The following PHACTR3 variants were observed in gnomAD, a reference collection of about 807,000 sequenced individuals.
PHACTR3 encodes protein phosphatase 1, regulatory subunit 123.
PHACTR3 carries 16 observed loss-of-function variants against 66.8 expected under a neutral mutation model. The observed-to-expected ratio is 0.24, with a 90% CI of 0.16 to 0.36. The LOEUF is 0.36. PHACTR3 is among the 10% of genes least tolerant of loss of function. The pLI, the probability that PHACTR3 is intolerant of heterozygous loss-of-function variation, is 1.00. For synonymous variants in PHACTR3, 323 were observed against 292.1 expected, an observed-to-expected ratio of 1.11 and a Z score of -1.08; for missense variants, 647 against 719.9, an observed-to-expected ratio of 0.90 and a Z score of 1.16.
intron 1 of PHACTR3, among the ~76,000 whole-genome samples, chr20:59,610,851 TC>T (rs1444882642): frequency 6.6e-6 from 1 of 152,194 alleles, no homozygotes; most frequent in African/African-American, 2.4e-5. Flanking sequence ...ACTGGTGTGG[TC>T]TTGAGCTCTC....
At chr20:59,682,176 C>T (rs549256428) in intron 1 of PHACTR3, among the ~76,000 whole-genome samples, 54 of 152,046 alleles carry the variant, frequency 3.6e-4, no homozygotes, top group African/African-American at 1.2e-3. Context: ...CCCGTCTCTA[C>T]TAAAAATACA....
chr20:59,801,357 G>A (rs1023090717), intron 7 of PHACTR3, among the ~76,000 whole-genome samples: 2 of 152,132 alleles, frequency 1.3e-5, no homozygotes, highest in African/African-American at 2.4e-5. Flanking sequence ...TGAAAACTAC[G>A]GTTTTATACA....
At chr20:59,741,098 G>A (rs1160489929) in intron 1 of PHACTR3, among the ~76,000 whole-genome samples, 1 of 152,208 alleles carries the variant, frequency 6.6e-6, no homozygotes, top group Non-Finnish European at 1.5e-5. Context: ...CTCTGACAAA[G>A]GTGACCTCCT....
intron 7 of PHACTR3, among the ~76,000 whole-genome samples, chr20:59,781,047 A>C (rs1568815328): frequency 6.6e-6 from 1 of 152,190 alleles, no homozygotes; most frequent in Non-Finnish European, 1.5e-5. Flanking sequence ...GGCATGAAGC[A>C]AAGTTTAGCT....
intron 7 of PHACTR3, among the ~76,000 whole-genome samples, chr20:59,797,045 G>A (rs139708571): frequency 3.2e-4 from 49 of 152,058 alleles, no homozygotes; most frequent in Admixed American, 2.0e-3. Context: ...TTAATCCTTT[G>A]CTCTCTCTCT....
At chr20:59,683,440 G>T (rs1431376397) in intron 1 of PHACTR3, among the ~76,000 whole-genome samples, 1 of 151,920 alleles carries the variant, frequency 6.6e-6, no homozygotes, top group African/African-American at 2.4e-5. Context: ...TCATTTGTCT[G>T]CCACCTGTAG....
At chr20:59,842,554 CTG>C (rs1272134435) in intron 11 of PHACTR3, among the ~76,000 whole-genome samples, 6 of 152,096 alleles carry the variant, frequency 3.9e-5, no homozygotes, top group Admixed American at 3.9e-4. Flanking sequence ...GTCCCAGAGG[CTG>C]TGTTTGATGT....
intron 1 of PHACTR3, among the ~76,000 whole-genome samples, chr20:59,709,620 AG>A (rs1264951693): frequency 1.3e-5 from 2 of 152,234 alleles, no homozygotes; most frequent in South Asian, 2.1e-4. Context: ...CCTTCATCTT[AG>A]GAAGGGCAAT....
intron 7 of PHACTR3, among the ~76,000 whole-genome samples, chr20:59,783,978 G>C (rs6027100): frequency 0.14 from 20,965 of 152,246 alleles, 3,010 homozygotes; most frequent in East Asian, 0.41. Flanking sequence ...CAAGGGTGAA[G>C]GTCAATCTTG....
chr20:59,629,699 C>T (rs1486663650), intron 1 of PHACTR3, among the ~76,000 whole-genome samples: 6 of 152,224 alleles, frequency 3.9e-5, no homozygotes, highest in Non-Finnish European at 7.3e-5. Context: ...GGAATAAACA[C>T]GGTTGCCTCT....
chr20:59,779,990 G>C (rs963490228), intron 7 of PHACTR3, among the ~76,000 whole-genome samples: 2 of 152,208 alleles, frequency 1.3e-5, no homozygotes. Context: ...TCTTTTCTCT[G>C]TGCTGAACCC....
rs2042297996 is a variant in PHACTR3, at chr20:59,829,777, G to A, written c.1329-6728G>A. Among the ~76,000 whole-genome samples, 1 of 152,220 alleles carries A rather than the reference G, an allele frequency of 6.6e-6. No individual in the cohort carries two copies. The highest frequency in any genetic ancestry group is 2.4e-5 in the African/African-American group (1 of 41,460). ...TCTAGGAAGGCATTCTGCCTTGTAT[G>A]GAAGGAATTGCTTCTCAATTTCTGC... On this transcript the variant is annotated intron_variant, in intron 8 of 12. Coordinates refer to ENST00000371015, the MANE Select transcript of PHACTR3 (RefSeq NM_080672.5). The surrounding 1 kb of genome is among the most constrained non-coding windows in gnomAD (Gnocchi z 4.2).
rs139402655 is a variant in PHACTR3 at position 59,845,316 on chromosome 20, C to T, written c.1664+51C>T. On this transcript the variant is annotated intron_variant, in intron 12 of 12. Transcript: ENST00000371015. ...TGGTACTTATTTTTGAAACACACAC[C>T]GCCTTCCCCCGTCCCCCGCCACAAA... The T allele has an allele frequency of 1.7e-3, 1,906 of 1,151,680 alleles. 24 individuals are homozygous for T. In the African/African-American group the frequency reaches 0.025, roughly 15 times the overall value. The allele number at this position is 1,151,680 out of a possible 1,614,324, so 71.3% of individuals were successfully genotyped here.
At chr20:59,613,357 C>G (rs1376502573) in intron 1 of PHACTR3, among the ~76,000 whole-genome samples, 1 of 152,162 alleles carries the variant, frequency 6.6e-6, no homozygotes, top group Non-Finnish European at 1.5e-5. Flanking sequence ...CCTCCAGCAA[C>G]AAGTACATTT....
At position 59,720,303 on chromosome 20, in the gene PHACTR3, C is replaced by A. The variant is rs191093858; in HGVS notation, c.119-22804C>A. On this transcript the variant is annotated intron_variant, in intron 1 of 12. Transcript: ENST00000371015. ...CCGTGTTGTGTCCATAATACATGAT[C>A]AATAAACACAAAAGCTGCCCATCAA... is the stretch of plus-strand genomic sequence containing the variant. 9.2e-5 allele frequency among the ~76,000 whole-genome samples: 14 copies of A among 152,272 alleles called. No homozygotes were observed. The East Asian group carries it at 2.7e-3, about 29-fold the overall frequency.
intron 1 of PHACTR3, among the ~76,000 whole-genome samples, chr20:59,731,169 AT>A (rs1386327532): frequency 6.6e-6 from 1 of 152,110 alleles, no homozygotes; most frequent in African/African-American, 2.4e-5. Flanking sequence ...GTGTGATATT[AT>A]TTCTCTAAAT....
intron 1 of PHACTR3, among the ~76,000 whole-genome samples, chr20:59,691,361 C>T (rs887085508): frequency 3.3e-5 from 5 of 152,200 alleles, no homozygotes; most frequent in African/African-American, 1.2e-4. Context: ...AGCCAACCTA[C>T]TTTTCTATTT....
At position 59,827,500 on chromosome 20, in the gene PHACTR3, C is replaced by T. The variant is rs547266287; in HGVS notation, c.1329-9005C>T. Among the ~76,000 whole-genome samples the T allele has an allele frequency of 5.9e-5, 9 of 152,278 alleles. No individual in the cohort carries two copies. The South Asian group carries it at 1.5e-3, about 25-fold the overall frequency. ...TGGAGACAGTGCGGTGTGCAGCTTG[C>T]GGAGCCCAGGGCACAGCGGCCTGGC... On this transcript the variant is annotated intron_variant, in intron 8 of 12. Transcript: ENST00000371015.
intron 8 of PHACTR3, among the ~76,000 whole-genome samples, chr20:59,818,710 T>C (rs1368152935): frequency 6.6e-6 from 1 of 152,236 alleles, no homozygotes. Flanking sequence ...TGACCAGTTA[T>C]TGGTGTCACC....
Sources: allele counts gnomAD v4.1 joint callset (sites outside exome capture counted in the v4.1 genomes callset), GRCh38; gene constraint gnomAD v4.1.1; non-coding constraint Gnocchi (gnomAD v3.1); transcripts MANE v1.5; gene names NCBI Gene and HGNC (gene_info 2026-07-23, HGNC 2026-07-21).